Variants in DNAH6 observed in about 807,000 individuals in gnomAD.
The protein encoded by DNAH6 is axonemal beta dynein heavy chain 6.
A neutral mutation model predicts 491.4 loss-of-function variants in DNAH6; 340 were observed. The ratio of observed to expected loss-of-function variants is 0.69; its 90% CI spans 0.63 to 0.76. DNAH6 has a LOEUF of 0.76. DNAH6 is among the 30% of genes least tolerant of loss of function. The probability of loss-of-function intolerance (pLI) is 0.00; values close to 1 mark genes in which losing one functional copy is unlikely to be tolerated. For synonymous variants in DNAH6, 1,603 were observed against 1,686.1 expected (o/e 0.95, Z 1.21); for missense variants, 4,443 against 4,972.2 (o/e 0.89, Z 3.20).
chr2:84,646,173 G>A (rs1689875864), intron 33 of DNAH6, among the ~76,000 whole-genome samples: 1 of 152,042 alleles, frequency 6.6e-6, no homozygotes. Flanking sequence ...TGTGATCATT[G>A]ATCTTTGATG....
chr2:84,654,126 G>GAGAA lies in DNAH6; in HGVS notation c.5634+260_5634+263dup, dbSNP rs1291215211. Among the ~76,000 whole-genome samples, 9 of 152,176 alleles carry GAGAA rather than the reference G, an allele frequency of 5.9e-5. No individual in the cohort carries two copies. The South Asian group carries it at 1.9e-3, about 32-fold the overall frequency. On this transcript the variant is annotated intron_variant, in intron 34 of 76. Transcript: ENST00000389394. ...GGAGAGAGAGAAAGAGAGAGAGAGA[G>GAGAA]AGAAAGAAAGAGGAGAGAGAGAGAG...
At chr2:84,677,413 C>T (rs1370094338) in intron 41 of DNAH6, among the ~76,000 whole-genome samples, 5 of 152,132 alleles carry the variant, frequency 3.3e-5, no homozygotes, top group African/African-American at 1.2e-4. Context: ...AGGTCCCTGC[C>T]ACTTAGCACT....
intron 33 of DNAH6, among the ~76,000 whole-genome samples, chr2:84,650,281 T>C (rs923850838): frequency 3.3e-5 from 5 of 152,182 alleles, no homozygotes; most frequent in African/African-American, 1.2e-4. Flanking sequence ...GTGACACAAA[T>C]ATTAGATCTT....
chr2:84,542,875 T>C (rs1678394882), intron 4 of DNAH6, among the ~76,000 whole-genome samples: 1 of 152,200 alleles, frequency 6.6e-6, no homozygotes, highest in South Asian at 2.1e-4. Flanking sequence ...TAAAGGGCTG[T>C]GGCCCGGACA....
chr2:84,765,032 A>G (rs908034619), intron 64 of DNAH6, among the ~76,000 whole-genome samples: 1 of 152,172 alleles, frequency 6.6e-6, no homozygotes, highest in Admixed American at 6.5e-5. Context: ...AATGTCTATC[A>G]ATATGACTAT....
intron 11 of DNAH6, among the ~76,000 whole-genome samples, chr2:84,560,261 T>C (rs17759198): frequency 0.091 from 13,830 of 152,098 alleles, 843 homozygotes; most frequent in Middle Eastern, 0.15. Context: ...TAAAGAATTT[T>C]TCTGCAGGTC....
At chr2:84,534,328 T>C (rs1231519150) in intron 4 of DNAH6, among the ~76,000 whole-genome samples, 2 of 152,156 alleles carry the variant, frequency 1.3e-5, no homozygotes, top group African/African-American at 4.8e-5. Flanking sequence ...TTCTAATATT[T>C]GTATGGTTAC....
chr2:84,766,287 T>A (rs1675065184), intron 64 of DNAH6, among the ~76,000 whole-genome samples: 1 of 152,162 alleles, frequency 6.6e-6, no homozygotes, highest in Admixed American at 6.5e-5. Flanking sequence ...TTACAAAAAT[T>A]AGCCATGCTT....
At chr2:84,760,312 GA>G (rs1231146592) in intron 63 of DNAH6, among the ~76,000 whole-genome samples, 1 of 139,814 alleles carries the variant, frequency 7.2e-6, no homozygotes, top group Non-Finnish European at 1.5e-5. Context: ...AGGCAAATGG[GA>G]CTTAATTATC....
At chr2:84,792,381 A>G (rs567939017) in intron 68 of DNAH6, among the ~76,000 whole-genome samples, 4 of 152,366 alleles carry the variant, frequency 2.6e-5, no homozygotes, top group African/African-American at 9.6e-5. Flanking sequence ...CATGTTAAGT[A>G]TTCTAACCAC....
At chr2:84,489,785 A>G in the DNAH6 span, among the ~76,000 whole-genome samples, 3 of 152,210 alleles carry the variant, frequency 2.0e-5, no homozygotes, top group South Asian at 4.1e-4. Flanking sequence ...AGCATGCCTC[A>G]GAATCACCCA....
chr2:84,544,525 A>T (rs1306164295), intron 5 of DNAH6, 25 bp downstream of exon 5: 3 of 1,251,002 alleles, frequency 2.4e-6, no homozygotes, highest in Non-Finnish European at 2.2e-6. Context: ...TTTATATTTT[A>T]AAATAATTAC....
intron 13 of DNAH6, 64 bp downstream of exon 13, chr2:84,577,472 C>A: frequency 1.7e-6 from 2 of 1,168,140 alleles, no homozygotes; most frequent in Non-Finnish European, 2.3e-6. Context: ...TTTTCTACTG[C>A]ACAAAAACCT....
At chr2:84,816,937 G>A (rs1680542906) in intron 76 of DNAH6, among the ~76,000 whole-genome samples, 1 of 152,176 alleles carries the variant, frequency 6.6e-6, no homozygotes, top group African/African-American at 2.4e-5. Flanking sequence ...AAGTGACCCT[G>A]TGGAAGGAGC....
intron 12 of DNAH6, 82 bp from the exon 13 acceptor site, chr2:84,577,175 A>G (rs1682528629): frequency 8.5e-6 from 7 of 823,782 alleles, no homozygotes; most frequent in Non-Finnish European, 1.8e-6. Context: ...TTATCAATGC[A>G]ATGATTTTTA....
chr2:84,473,048 A>G, the DNAH6 span, among the ~76,000 whole-genome samples: 9 of 152,284 alleles, frequency 5.9e-5, no homozygotes, highest in East Asian at 3.9e-4. Flanking sequence ...AGGTCCTGCA[A>G]ATGAGGCTTT....
chr2:84,528,933 T>A lies in DNAH6; in HGVS notation c.429T>A (p.Ser143=). 2.6e-6 allele frequency: 4 copies of A among 1,550,840 alleles called. 1 individual carries two copies. The South Asian group carries it at 4.8e-5, about 18-fold the overall frequency. ...ATCGGCCCTATGTTGAGGTGTTCTC[T>A]CCCTCTCCTCCTAAACTGCCACATA... ...QIHRPYVEVF[S]PSPPKLPHTG... Residue 143 remains serine (S), a synonymous_variant, in exon 4 of 77, where the codon TCT becomes TCA. Coordinates refer to ENST00000389394, the MANE Select transcript of DNAH6 (RefSeq NM_001370.2).
intron 41 of DNAH6, among the ~76,000 whole-genome samples, chr2:84,679,311 C>G (rs28682424): frequency 0.056 from 8,563 of 152,172 alleles, 271 homozygotes; most frequent in Middle Eastern, 0.088. Context: ...TGCCCAGACA[C>G]GATTTGCACC....
At chr2:84,807,514 G>T (rs1470314357) in intron 71 of DNAH6, among the ~76,000 whole-genome samples, 1 of 152,130 alleles carries the variant, frequency 6.6e-6, no homozygotes, top group South Asian at 2.1e-4. Context: ...AGTAACATGC[G>T]ATAAACACTA....
Sources: gnomAD v4.1 joint callset for allele counts (sites outside exome capture counted in the v4.1 genomes callset) on GRCh38, gnomAD v4.1.1 for gene constraint, MANE v1.5 for transcripts, NCBI Gene and HGNC (gene_info 2026-07-23, HGNC 2026-07-21) for gene names.